The following OGG1 variants were observed in gnomAD, a reference collection of about 807,000 sequenced individuals.
OGG1 encodes the protein N-glycosylase/DNA lyase.
A neutral mutation model predicts 42.3 loss-of-function variants in OGG1; 35 were observed. The ratio of observed to expected loss-of-function variants is 0.83; its 90% CI spans 0.63 to 1.10. The LOEUF (loss-of-function observed/expected upper bound fraction) is 1.10. OGG1 is among the 50% of genes least tolerant of loss of function. OGG1 has a pLI of 0.00. For missense variants in OGG1, 484 were observed against 446.7 expected (o/e 1.08, Z -0.75); for synonymous variants, 189 against 179.0 (o/e 1.06, Z -0.44).
chr3:9,781,210 T>C (rs887393024), intron 2 of OGG1, among the ~76,000 whole-genome samples: 3 of 151,854 alleles, frequency 2.0e-5, no homozygotes, highest in African/African-American at 7.2e-5. Context: ...CTTTGGGAGA[T>C]GGAGGCAGGA....
chr3:9,751,317 A>G (rs2077294255), intron 2 of OGG1, 125 bp downstream of exon 2: 9 of 964,236 alleles, frequency 9.3e-6, no homozygotes, highest in Non-Finnish European at 1.5e-5. Context: ...GATTTAAGGA[A>G]CTAATACATG....
At position 9,779,350 on chromosome 3, in the gene OGG1, T is replaced by C. The variant is rs572965811; in HGVS notation, c.295-2163T>C. On this transcript the variant is annotated intron_variant, in intron 2 of 3. Transcript: ENST00000426518. ...GCTTCTTGCTTCTGTAGATGGGCCA[T>C]GGAAGCCCGCTGGCTCCGGCTCCCT... Among the ~76,000 whole-genome samples, 207 of 152,300 alleles carry C rather than the reference T, an allele frequency of 1.4e-3. 7 individuals carry two copies. In the South Asian group the frequency reaches 0.042, roughly 31 times the overall value.
At chr3:9,763,724 A>T (rs2078004112) in intron 7 of OGG1, among the ~76,000 whole-genome samples, 1 of 152,126 alleles carries the variant, frequency 6.6e-6, no homozygotes, top group African/African-American at 2.4e-5. Flanking sequence ...AGAGACTCAC[A>T]CCTGTAATCC....
intron 7 of OGG1, chr3:9,765,759 T>C (rs1683929589): frequency 6.2e-7 from 1 of 1,613,806 alleles, no homozygotes. Context: ...GCCCACGCAC[T>C]TGTGCAGGAC....
chr3:9,778,428 C>T (rs1242308825), intron 2 of OGG1, among the ~76,000 whole-genome samples: 1 of 152,170 alleles, frequency 6.6e-6, no homozygotes, highest in Admixed American at 6.5e-5. Context: ...AGTTACAAAT[C>T]ACAAAACTCT....
intron 3 of OGG1, chr3:9,783,904 C>G: frequency 1.4e-6 from 2 of 1,412,294 alleles, no homozygotes; most frequent in Non-Finnish European, 1.8e-6. Context: ...TTTTTCGAGG[C>G]TCTCCAGGTG....
intron 2 of OGG1, among the ~76,000 whole-genome samples, chr3:9,777,305 G>A (rs1373106195): frequency 6.6e-6 from 1 of 152,194 alleles, no homozygotes; most frequent in Non-Finnish European, 1.5e-5. Context: ...TTGAGGTACT[G>A]GAACTAATCC....
At chr3:9,770,591 T>TG (rs1445586186), downstream of OGG1, among the ~76,000 whole-genome samples, 1 of 151,694 alleles carries the variant, frequency 6.6e-6, no homozygotes, top group African/African-American at 2.4e-5. Flanking sequence ...CAGAGGGAAT[T>TG]GGGGAGGAGG....
chr3:9,783,236 GAC>G (rs1378409071), intron 3 of OGG1: 1 of 151,350 alleles, frequency 6.6e-6, no homozygotes, highest in Non-Finnish European at 1.5e-5. Context: ...AGCATGAAAA[GAC>G]AAAAAATAAA....
downstream of OGG1, chr3:9,757,531 C>T: frequency 6.2e-7 from 1 of 1,611,460 alleles, no homozygotes; most frequent in Non-Finnish European, 8.5e-7. The surrounding 1 kb of genome is among the most constrained non-coding windows in gnomAD (Gnocchi z 4.5). Context: ...GACCCGAGGT[C>T]CAGGGCCCTA....
downstream of OGG1, chr3:9,757,676 C>T (rs976368200): frequency 8.1e-6 from 13 of 1,614,078 alleles, no homozygotes; most frequent in Non-Finnish European, 1.0e-5. This position sits in a 1 kb window ranked among gnomAD's most constrained non-coding sequence, Gnocchi z 4.5. Context: ...CCACTCCAGC[C>T]CGGGTGCACC....
intron 2 of OGG1, 58 bp from the exon 3 acceptor site, chr3:9,751,712 G>A (rs953436777): frequency 1.3e-6 from 2 of 1,545,822 alleles, no homozygotes; most frequent in African/African-American, 1.4e-5. Flanking sequence ...CTGTGGGTGG[G>A]AAGAGGCCAC....
At chr3:9,779,120 G>A (rs898441327) in intron 2 of OGG1, among the ~76,000 whole-genome samples, 8 of 152,110 alleles carry the variant, frequency 5.3e-5, no homozygotes, top group Non-Finnish European at 1.0e-4. Context: ...TGGAAGAGAC[G>A]TTGTCGGTGG....
At chr3:9,770,631 G>T (rs1266433597), downstream of OGG1, among the ~76,000 whole-genome samples, 3 of 152,166 alleles carry the variant, frequency 2.0e-5, no homozygotes, top group Non-Finnish European at 4.4e-5. Context: ...AAGGAAACAG[G>T]CCAAAAAGGA....
Position 9,756,497 on chromosome 3 carries a change from C to T in OGG1, c.774C>T (p.Ala258=), listed in dbSNP as rs2077567829. 2 of 1,614,166 alleles carry T rather than the reference C, an allele frequency of 1.2e-6. No homozygotes were observed. The highest frequency in any genetic ancestry group is 1.7e-6 in the Non-Finnish European group (2 of 1,180,028). Residue 258 remains alanine, a synonymous_variant, in exon 5 of 7, where the codon GCC becomes GCT. Coordinates refer to ENST00000344629, the MANE Select transcript of OGG1 (RefSeq NM_002542.6). ...TGGCTGACTGCATCTGCCTGATGGC[C>T]CTAGACAAGCCCCAGGCTGTGCCCG... is the stretch of plus-strand genomic sequence containing the variant. ...TKVADCICLM[A]LDKPQAVPVD...
chr3:9,763,026 CG>C, intron 7 of OGG1: 1 of 1,614,054 alleles, frequency 6.2e-7, no homozygotes, highest in Non-Finnish European at 8.5e-7. Flanking sequence ...TTCCACAATA[CG>C]GTCAAAGAGC....
intron 3 of OGG1, chr3:9,784,228 A>C: frequency 6.3e-7 from 1 of 1,595,168 alleles, no homozygotes; most frequent in Non-Finnish European, 8.6e-7. Flanking sequence ...AGCGGGAGGC[A>C]GGCCCGTCAG....
At chr3:9,765,173 G>A (rs989515851) in intron 7 of OGG1, among the ~76,000 whole-genome samples, 1 of 151,312 alleles carries the variant, frequency 6.6e-6, no homozygotes, top group Non-Finnish European at 1.5e-5. Flanking sequence ...GTTGCAGTGA[G>A]CCAAGATTGC....
chr3:9,762,589 A>G (rs2077936367), intron 7 of OGG1, among the ~76,000 whole-genome samples: 1 of 151,878 alleles, frequency 6.6e-6, no homozygotes, highest in South Asian at 2.1e-4. Flanking sequence ...GCTGGTCTCG[A>G]ACTGACCTCA....
Sources: gnomAD v4.1 joint callset for allele counts (sites outside exome capture counted in the v4.1 genomes callset) on GRCh38, gnomAD v4.1.1 for gene constraint, Gnocchi (gnomAD v3.1) non-coding constraint, MANE v1.5 for transcripts, NCBI Gene and HGNC (gene_info 2026-07-23, HGNC 2026-07-21) for gene names.